The following UTP6 variants were observed in gnomAD, a reference collection of about 807,000 sequenced individuals.
UTP6 encodes the protein UTP6 small subunit processome component, also known as U3 small nucleolar RNA-associated protein 6 homolog.
Under a neutral mutation model 96.5 loss-of-function variants are expected in UTP6, and 60 were observed. That is an observed-to-expected ratio of 0.62 (90% CI 0.51 to 0.77). UTP6 has a LOEUF of 0.77. Among genes scored for constraint, UTP6 ranks in the 30% least tolerant of loss-of-function variants. The pLI, the probability that UTP6 is intolerant of heterozygous loss-of-function variation, is 0.00. For synonymous variants in UTP6, 215 were observed against 240.1 expected (o/e 0.90, Z 0.96); for missense variants, 637 against 706.5 (o/e 0.90, Z 1.12).
intron 4 of UTP6, among the ~76,000 whole-genome samples, chr17:31,893,590 C>T (rs1397888825): frequency 2.0e-5 from 3 of 150,888 alleles, no homozygotes; most frequent in African/African-American, 7.3e-5. Flanking sequence ...ATTAGCCAGG[C>T]GCGGTGGTGC....
intron 14 of UTP6, among the ~76,000 whole-genome samples, chr17:31,874,563 A>G (rs1182767512): frequency 1.3e-5 from 2 of 151,534 alleles, no homozygotes; most frequent in Non-Finnish European, 2.9e-5. Flanking sequence ...AGGAAAAACC[A>G]CCAAATGAGC....
intron 1 of UTP6, 22 bp from the exon 2 acceptor site, chr17:31,899,752 C>T (rs1477429955): frequency 1.4e-5 from 21 of 1,525,696 alleles, no homozygotes; most frequent in Non-Finnish European, 1.8e-5. Context: ...GCCATTTAAA[C>T]TTCACTTGAA....
chr17:31,863,793 C>T (rs1373844819), intron 18 of UTP6, among the ~76,000 whole-genome samples: 1 of 152,076 alleles, frequency 6.6e-6, no homozygotes, highest in African/African-American at 2.4e-5. Flanking sequence ...GTCTCAACCT[C>T]CTGAGTTCAA....
intron 14 of UTP6, among the ~76,000 whole-genome samples, chr17:31,874,794 T>A (rs922927890): frequency 3.3e-5 from 5 of 151,912 alleles, no homozygotes; most frequent in African/African-American, 1.2e-4. Context: ...TAGTCAGGTG[T>A]GATGGCATGC....
chr17:31,893,734 CAA>C (rs3084042), intron 4 of UTP6, among the ~76,000 whole-genome samples: 25,380 of 83,984 alleles, frequency 0.3, 2,788 homozygotes, highest in African/African-American at 0.39. Context: ...CATCCCCCAC[CAA>C]AAAAAAAAAA....
At position 31,878,718 on chromosome 17, in the gene UTP6, C is replaced by A. The variant is rs892177591; in HGVS notation, c.1031G>T (p.Gly344Val). ...CAACCTCACCTTCCCTCTAAGGAAC[C>A]CACTATTTGACTTCTTAGTAAATCT... Reference protein sequence around the residue: ...LERFTKKSNSGFLRGKRLERT... With the variant: ...LERFTKKSNSVFLRGKRLERT... The change falls in exon 12 of 19, where the codon GGG (glycine) becomes GTG (valine). Residue 344 changes from glycine (G) to valine (V), a missense_variant. Transcript: ENST00000261708. 1.9e-6 allele frequency: 3 copies of A among 1,613,992 alleles called. No individual in the cohort carries two copies. The highest frequency in any genetic ancestry group is 2.5e-6 in the Non-Finnish European group (3 of 1,180,022).
chr17:31,895,998 G>A (rs988515970), intron 2 of UTP6, among the ~76,000 whole-genome samples: 2 of 147,862 alleles, frequency 1.4e-5, no homozygotes, highest in Non-Finnish European at 3.0e-5. Context: ...GTGACGGAGC[G>A]AGACTCCATC....
chr17:31,884,467 G>C lies in UTP6; in HGVS notation c.742C>G (p.Leu248Val), dbSNP rs777121935. Residue 248 changes from leucine to valine, a missense_variant, in exon 10 of 19, where the codon CTA becomes GTA. Physicochemically the swap from Leu to Val is conservative, Grantham distance 32. Transcript: ENST00000261708. Reference sequence around the variant, plus strand: ...TGTAGATCTTTGGCAAAGTCAAATAGCTGTGCAATCGAAAGCAGTGACACG... The same window carrying C: ...TGTAGATCTTTGGCAAAGTCAAATACCTGTGCAATCGAAAGCAGTGACACG... ...FHVSLLSIAQ[L>V]FDFAKDLQKE... 1 of 1,611,444 alleles carries C rather than the reference G, an allele frequency of 6.2e-7. No homozygotes were observed. The highest frequency in any genetic ancestry group is 1.1e-5 in the South Asian group (1 of 90,410).
At chr17:31,870,139 G>A (rs1276445466) in intron 16 of UTP6, among the ~76,000 whole-genome samples, 2 of 151,998 alleles carry the variant, frequency 1.3e-5, no homozygotes, top group African/African-American at 2.4e-5. Flanking sequence ...ATGAACATAC[G>A]AGTACATGTC....
chr17:31,868,638 C>A (rs535757207), intron 16 of UTP6, among the ~76,000 whole-genome samples: 21 of 152,120 alleles, frequency 1.4e-4, no homozygotes, highest in Non-Finnish European at 2.8e-4. Flanking sequence ...GTTTAATTTT[C>A]TTACTGTACT....
At chr17:31,876,212 A>G (rs1447635468) in intron 13 of UTP6, among the ~76,000 whole-genome samples, 1 of 151,632 alleles carries the variant, frequency 6.6e-6, no homozygotes, top group African/African-American at 2.4e-5. Flanking sequence ...AATTTTTTGT[A>G]TTTTAGTAGA....
Position 31,874,107 on chromosome 17 carries a change from TTAGTTAAGTAAGTAATTAA to T in UTP6, c.1306-373_1306-355del, listed in dbSNP as rs574650869. The T allele has an allele frequency of 3.1e-5, 7 of 227,054 alleles. No individual in the cohort carries two copies. The East Asian group carries it at 1.0e-3, about 33-fold the overall frequency. The allele number at this position is 227,054 out of a possible 1,614,324, so 14.1% of individuals were successfully genotyped here. ...TCATGTAGTTATCATCAATCATCTT[TTAGTTAAGTAAGTAATTAA>T]CAGCCCACACAGTTAGACCCACAGC... On this transcript the variant is annotated intron_variant, in intron 14 of 18. Transcript: ENST00000261708.
intron 2 of UTP6, among the ~76,000 whole-genome samples, chr17:31,897,234 G>A (rs1223315668): frequency 1.3e-5 from 2 of 151,756 alleles, no homozygotes; most frequent in Non-Finnish European, 2.9e-5. Flanking sequence ...TGCAATGAGT[G>A]CTCGCACCAT....
intron 4 of UTP6, among the ~76,000 whole-genome samples, chr17:31,893,293 G>GT (rs906367827): frequency 6.6e-6 from 1 of 152,014 alleles, no homozygotes; most frequent in African/African-American, 2.4e-5. Flanking sequence ...AGGTGTGGTG[G>GT]TATGTGCCTG....
chr17:31,865,267 C>A lies in UTP6; in HGVS notation c.1636+99G>T, dbSNP rs1228411896. Reference sequence around the variant, plus strand: ...ACCTCAGGTGATCCGCCTGCCTTGGCCTCCCAAAGTGCTGGGATTACAGGC... The same window carrying A: ...ACCTCAGGTGATCCGCCTGCCTTGGACTCCCAAAGTGCTGGGATTACAGGC... On this transcript the variant is annotated intron_variant, in intron 18 of 18. Coordinates refer to ENST00000261708, the MANE Select transcript of UTP6 (RefSeq NM_018428.3). 22 of 1,259,982 alleles carry A rather than the reference C, an allele frequency of 1.7e-5. No individual in the cohort carries two copies. In the South Asian group the frequency reaches 2.6e-4, roughly 15 times the overall value. The allele number at this position is 1,259,982 out of a possible 1,614,324, so 78.1% of individuals were successfully genotyped here. A position where few individuals can be genotyped will look rare whatever the true frequency, so the allele number is the denominator to read the frequency against.
At chr17:31,878,374 G>A (rs759449083) in intron 12 of UTP6, 47 bp from the exon 13 acceptor site, 3 of 1,560,896 alleles carry the variant, frequency 1.9e-6, no homozygotes. Context: ...TCCCAGCAGG[G>A]GCCTCTGGCC....
intron 2 of UTP6, 29 bp downstream of exon 2, chr17:31,899,617 A>C: frequency 6.5e-7 from 1 of 1,538,966 alleles, no homozygotes; most frequent in African/African-American, 1.4e-5. Context: ...AAAAGAAAAA[A>C]AGAAAGAAAT....
chr17:31,873,332 G>A (rs1159008051), intron 16 of UTP6, 46 bp downstream of exon 16: 1 of 1,565,376 alleles, frequency 6.4e-7, no homozygotes, highest in East Asian at 2.2e-5. Context: ...GAGCGGCTGA[G>A]CATGGGGTAG....
intron 4 of UTP6, among the ~76,000 whole-genome samples, chr17:31,893,475 T>C (rs1904451008): frequency 6.8e-6 from 1 of 146,976 alleles, no homozygotes; most frequent in Non-Finnish European, 1.5e-5. Flanking sequence ...CTCAGGCCTG[T>C]AATCCCAGCA....
Sources: gnomAD v4.1 joint callset for allele counts (sites outside exome capture counted in the v4.1 genomes callset) on GRCh38, gnomAD v4.1.1 for gene constraint, MANE v1.5 for transcripts, NCBI Gene and HGNC (gene_info 2026-07-23, HGNC 2026-07-21) for gene names.